ATXN1: variants seen among roughly 807,000 people sequenced by gnomAD.
The protein encoded by ATXN1 is ataxin 1.
In ATXN1, 8 loss-of-function variants were observed where a neutral mutation model predicts 56.4. The observed-to-expected ratio is 0.14, with a 90% CI of 0.08 to 0.26. The LOEUF is 0.26. Among genes scored for constraint, ATXN1 ranks in the 10% least tolerant of loss-of-function variants. ATXN1 has a pLI of 1.00. For missense variants in ATXN1, 987 were observed against 1,106.5 expected, an observed-to-expected ratio of 0.89 and a Z score of 1.53; for synonymous variants, 514 against 494.6, an observed-to-expected ratio of 1.04 and a Z score of -0.52.
rs1010069435 is a variant in ATXN1, at chr6:16,375,792, T to C, written c.-160-47322A>G. ...ATTGAAATAGTCCAAGCTATTTGCT[T>C]TGGAAAATATACTCCATTGTGAATG... On this transcript the variant is annotated intron_variant, in intron 6 of 7. Transcript: ENST00000436367. Among the ~76,000 whole-genome samples the C allele has an allele frequency of 3.3e-4, 50 of 152,240 alleles. 1 individual carries two copies. The highest frequency in any genetic ancestry group is 1.3e-4 in the Non-Finnish European group (9 of 68,054).
intron 4 of ATXN1, among the ~76,000 whole-genome samples, chr6:16,571,131 T>G (rs938932237): frequency 1.3e-5 from 2 of 152,212 alleles, no homozygotes; most frequent in African/African-American, 4.8e-5. Flanking sequence ...GTTCAGCATG[T>G]GACTCCCACT....
intron 6 of ATXN1, among the ~76,000 whole-genome samples, chr6:16,416,366 C>T (rs1382954486): frequency 1.3e-5 from 2 of 152,156 alleles, no homozygotes; most frequent in Non-Finnish European, 2.9e-5. Flanking sequence ...ATAATTAATA[C>T]TGCATCACAC....
At position 16,755,326 on chromosome 6, in the gene ATXN1, G is replaced by A. The variant is rs3806154; in HGVS notation, c.-729-1979C>T. ...GGCAAGAATACAAGCAAGGCAGCAC[G>A]TATTCACTGCAAAAACTTACAAAAT... On this transcript the variant is annotated intron_variant, in intron 1 of 7. Transcript: ENST00000436367. 3.2e-4 allele frequency among the ~76,000 whole-genome samples: 48 copies of A among 152,268 alleles called. No homozygotes were observed. The East Asian group carries it at 7.1e-3, about 23-fold the overall frequency.
intron 4 of ATXN1, among the ~76,000 whole-genome samples, chr6:16,572,199 C>A (rs1762344406): frequency 6.6e-6 from 1 of 152,144 alleles, no homozygotes; most frequent in Admixed American, 6.5e-5. Flanking sequence ...CTTCCACTTA[C>A]AATTAACTAT....
intron 6 of ATXN1, among the ~76,000 whole-genome samples, chr6:16,397,515 C>T (rs1758481108): frequency 1.3e-5 from 2 of 152,172 alleles, no homozygotes; most frequent in Non-Finnish European, 2.9e-5. Context: ...CTGCCTGCCT[C>T]AGCCTCTCAA....
At chr6:16,639,853 TC>T (rs1159289880) in intron 3 of ATXN1, among the ~76,000 whole-genome samples, 1 of 152,188 alleles carries the variant, frequency 6.6e-6, no homozygotes, top group Non-Finnish European at 1.5e-5. Context: ...AAGAAATACT[TC>T]TTCTCTGAGT....
At chr6:16,574,692 A>G (rs1209258645) in intron 4 of ATXN1, among the ~76,000 whole-genome samples, 1 of 152,154 alleles carries the variant, frequency 6.6e-6, no homozygotes, top group Non-Finnish European at 1.5e-5. Context: ...CCTTCCACCC[A>G]GTTTCCCCCT....
intron 4 of ATXN1, among the ~76,000 whole-genome samples, chr6:16,530,611 G>A (rs147510485): frequency 6.6e-4 from 101 of 152,276 alleles, no homozygotes; most frequent in African/African-American, 2.3e-3. Context: ...GGAGGGTGGA[G>A]GTGGGAGGAC....
intron 6 of ATXN1, among the ~76,000 whole-genome samples, chr6:16,470,467 T>G (rs1038191797): frequency 6.6e-6 from 1 of 152,188 alleles, no homozygotes; most frequent in Non-Finnish European, 1.5e-5. Flanking sequence ...CAGTAAATTT[T>G]ATGTTATGTG....
chr6:16,701,259 A>G lies in ATXN1; in HGVS notation c.-614-43358T>C, dbSNP rs556042808. Among the ~76,000 whole-genome samples the G allele has an allele frequency of 1.5e-3, 224 of 152,384 alleles. 1 individual carries two copies. Among genetic ancestry groups the G allele is most frequent in the Admixed American group, 3.6e-3 (55 of 15,306 alleles). On this transcript the variant is annotated intron_variant, in intron 2 of 7. Coordinates refer to ENST00000436367, the MANE Select transcript of ATXN1 (RefSeq NM_001128164.2). Reference sequence around the variant, plus strand: ...CACATGTTGAAACTAACAACAGACTAGCCCAGGGAATGGCGCTCAGGCGAT... The same window carrying G: ...CACATGTTGAAACTAACAACAGACTGGCCCAGGGAATGGCGCTCAGGCGAT...
intron 4 of ATXN1, among the ~76,000 whole-genome samples, chr6:16,565,576 A>G (rs1284312293): frequency 6.6e-6 from 1 of 152,230 alleles, no homozygotes; most frequent in Non-Finnish European, 1.5e-5. Context: ...TCATAGTAAT[A>G]ATAATAATTT....
chr6:16,540,317 T>C (rs1300365929), intron 4 of ATXN1, among the ~76,000 whole-genome samples: 1 of 152,176 alleles, frequency 6.6e-6, no homozygotes, highest in Non-Finnish European at 1.5e-5. Flanking sequence ...GTTCAAGTGA[T>C]TCCCCTGCCT....
chr6:16,388,295 C>T (rs538970876), intron 6 of ATXN1, among the ~76,000 whole-genome samples: 4 of 152,338 alleles, frequency 2.6e-5, no homozygotes, highest in African/African-American at 7.2e-5. Flanking sequence ...ATCTATCTCA[C>T]TGCCTTCTTG....
chr6:16,331,863 C>G (rs572771881), intron 6 of ATXN1, among the ~76,000 whole-genome samples: 2 of 152,342 alleles, frequency 1.3e-5, no homozygotes, highest in Non-Finnish European at 2.9e-5. Context: ...TGACTTGGTT[C>G]TCAGTAGTGC....
At chr6:16,730,487 G>GTGTGTATATATATA (rs141836403) in intron 2 of ATXN1, among the ~76,000 whole-genome samples, 2 of 132,054 alleles carry the variant, frequency 1.5e-5, no homozygotes, top group Non-Finnish European at 3.3e-5. Flanking sequence ...AAAACAGTAT[G>GTGTGTATATATATA]TATATATATA....
rs1762774022 is a variant in ATXN1 at position 16,594,168 on chromosome 6, A to ATG, written c.-488-8262_-488-8261insCA. ...TCATATATTAGACTAATATATATAT[A>ATG]TATGTCTGTTGACGACCTTTAAAAT... On this transcript the variant is annotated intron_variant, in intron 3 of 7. Transcript: ENST00000436367. Among the ~76,000 whole-genome samples, 3 of 149,440 alleles carry ATG rather than the reference A, an allele frequency of 2.0e-5. No individual in the cohort carries two copies. The Admixed American group carries it at 2.0e-4, about 10-fold the overall frequency.
At chr6:16,345,166 G>A (rs1182603162) in intron 6 of ATXN1, among the ~76,000 whole-genome samples, 2 of 152,158 alleles carry the variant, frequency 1.3e-5, no homozygotes, top group Non-Finnish European at 2.9e-5. Context: ...ATTACGGAGG[G>A]ACATAAAATA....
intron 2 of ATXN1, among the ~76,000 whole-genome samples, chr6:16,662,300 A>T (rs1302242651): frequency 6.6e-6 from 1 of 152,020 alleles, no homozygotes; most frequent in Non-Finnish European, 1.5e-5. Flanking sequence ...CACAATTTGC[A>T]CAAGCAATGA....
At chr6:16,618,557 C>A (rs577528042) in intron 3 of ATXN1, among the ~76,000 whole-genome samples, 1 of 152,016 alleles carries the variant, frequency 6.6e-6, no homozygotes, top group Non-Finnish European at 1.5e-5. Flanking sequence ...ATGGCGAAAC[C>A]CCATCTCTAC....
Sources: gnomAD v4.1 joint callset for allele counts (sites outside exome capture counted in the v4.1 genomes callset) on GRCh38, gnomAD v4.1.1 for gene constraint, MANE v1.5 for transcripts, NCBI Gene and HGNC (gene_info 2026-07-23, HGNC 2026-07-21) for gene names.